The following SDK1 variants were observed in gnomAD, a reference collection of about 807,000 sequenced individuals.
SDK1 encodes protein sidekick-1.
Under a neutral mutation model 245.5 loss-of-function variants are expected in SDK1, and 157 were observed. The ratio of observed to expected loss-of-function variants is 0.64; its 90% CI spans 0.56 to 0.73. The LOEUF is 0.73. Ranked by LOEUF, SDK1 falls within the 30% of genes least tolerant of loss-of-function variation. SDK1 has a pLI of 0.00. For missense variants in SDK1, 3,583 were observed against 3,002.3 expected (o/e 1.19, Z -4.52); for synonymous variants, 1,647 against 1,278.5 (o/e 1.29, Z -6.15).
intron 5 of SDK1, among the ~76,000 whole-genome samples, chr7:3,868,206 G>C (rs1469760005): frequency 1.3e-5 from 2 of 152,138 alleles, no homozygotes; most frequent in Non-Finnish European, 2.9e-5. Flanking sequence ...CACTAGAAGT[G>C]TTATTATTTA....
chr7:4,127,574 C>G (rs1053996108), intron 26 of SDK1, 78 bp downstream of exon 26: 2 of 1,020,182 alleles, frequency 2.0e-6, no homozygotes, highest in South Asian at 2.6e-5. Flanking sequence ...TCCCCCAAAG[C>G]AACGAGCTTC....
At chr7:3,628,046 T>G (rs1185962683) in intron 2 of SDK1, among the ~76,000 whole-genome samples, 1 of 152,172 alleles carries the variant, frequency 6.6e-6, no homozygotes, top group East Asian at 1.9e-4. Flanking sequence ...CAGCTCCGTC[T>G]GCTTGGAAGG....
chr7:3,738,546 T>C (rs1779385120), intron 4 of SDK1, among the ~76,000 whole-genome samples: 1 of 152,230 alleles, frequency 6.6e-6, no homozygotes, highest in Non-Finnish European at 1.5e-5. Flanking sequence ...TTAAATTCCA[T>C]ATGGCTTTTT....
At chr7:3,863,230 T>C (rs1780739346) in intron 5 of SDK1, among the ~76,000 whole-genome samples, 1 of 152,156 alleles carries the variant, frequency 6.6e-6, no homozygotes, top group Non-Finnish European at 1.5e-5. Context: ...GAATGAATAG[T>C]GTTAGCCCTG....
chr7:4,032,665 C>T (rs1056412969), intron 17 of SDK1, among the ~76,000 whole-genome samples: 11 of 152,232 alleles, frequency 7.2e-5, no homozygotes, highest in African/African-American at 2.2e-4. Context: ...AAACCGACTT[C>T]ATATGCACAA....
chr7:4,131,690 C>T (rs1784829811), intron 27 of SDK1, among the ~76,000 whole-genome samples: 2 of 152,216 alleles, frequency 1.3e-5, no homozygotes, highest in Middle Eastern at 3.4e-3. Flanking sequence ...CCCTATTATT[C>T]AGCAGTTCCA....
chr7:4,236,446 C>A (rs1786174709), intron 41 of SDK1, among the ~76,000 whole-genome samples: 1 of 152,136 alleles, frequency 6.6e-6, no homozygotes. Flanking sequence ...AAGACAGGGC[C>A]AGTCGTTCAG....
chr7:4,097,943 A>G (rs13223093), intron 22 of SDK1, among the ~76,000 whole-genome samples: 48,638 of 151,710 alleles, frequency 0.32, 9,368 homozygotes, highest in African/African-American at 0.54. Flanking sequence ...AATTTGCCGA[A>G]ACGGGCCTCA....
chr7:3,772,476 C>T (rs1474021605), intron 4 of SDK1, among the ~76,000 whole-genome samples: 1 of 151,974 alleles, frequency 6.6e-6, no homozygotes, highest in African/African-American at 2.4e-5. Flanking sequence ...AATGCATTAG[C>T]CTTTTAAATA....
At chr7:3,515,969 C>T (rs1782733889) in intron 1 of SDK1, among the ~76,000 whole-genome samples, 1 of 152,084 alleles carries the variant, frequency 6.6e-6, no homozygotes, top group South Asian at 2.1e-4. Context: ...TTAGGGCTTT[C>T]TGCACATGTC....
intron 1 of SDK1, among the ~76,000 whole-genome samples, chr7:3,493,395 A>T (rs1319903262): frequency 6.6e-6 from 1 of 152,198 alleles, no homozygotes; most frequent in African/African-American, 2.4e-5. Context: ...GATTTACTGT[A>T]TTCATCAGAT....
intron 19 of SDK1, among the ~76,000 whole-genome samples, chr7:4,063,597 C>CAAAAAAAAAAA (rs35423286): frequency 1.3e-3 from 157 of 124,962 alleles, no homozygotes; most frequent in African/African-American, 4.3e-3. Context: ...ACAGAAATAG[C>CAAAAAAAAAAA]AAAAAAAAAA....
chr7:3,838,282 C>G (rs1302158371), intron 5 of SDK1, among the ~76,000 whole-genome samples: 2 of 152,216 alleles, frequency 1.3e-5, no homozygotes, highest in African/African-American at 2.4e-5. Context: ...AGATGGTCAT[C>G]TAGATGGGTG....
At chr7:3,689,561 A>G (rs929413907) in intron 4 of SDK1, among the ~76,000 whole-genome samples, 1 of 152,226 alleles carries the variant, frequency 6.6e-6, no homozygotes, top group Non-Finnish European at 1.5e-5. Context: ...AAGGACTTTT[A>G]AAATTATTTG....
At chr7:3,321,741 C>A (rs1338931728) in intron 1 of SDK1, among the ~76,000 whole-genome samples, 3 of 93,038 alleles carry the variant, frequency 3.2e-5, no homozygotes, top group Non-Finnish European at 6.4e-5. Flanking sequence ...CCCATCCCCT[C>A]CCCCCTCCTT....
chr7:3,965,481 G>T (rs969009870), intron 9 of SDK1, among the ~76,000 whole-genome samples: 1 of 152,170 alleles, frequency 6.6e-6, no homozygotes, highest in African/African-American at 2.4e-5. Flanking sequence ...TTTTGTAGTA[G>T]GAGGTTTTTT....
chr7:3,970,126 T>C (rs1248960948), intron 11 of SDK1, among the ~76,000 whole-genome samples: 1 of 152,246 alleles, frequency 6.6e-6, no homozygotes, highest in Non-Finnish European at 1.5e-5. Context: ...TCTCAATCTG[T>C]ACTACTAAAA....
chr7:3,736,298 T>A (rs1165502994), intron 4 of SDK1, among the ~76,000 whole-genome samples: 3 of 152,158 alleles, frequency 2.0e-5, no homozygotes, highest in Admixed American at 2.0e-4. Flanking sequence ...CATTAAGGTT[T>A]TGTTTTGTTT....
intron 5 of SDK1, among the ~76,000 whole-genome samples, chr7:3,837,628 A>G (rs1161132388): frequency 6.6e-6 from 1 of 152,184 alleles, no homozygotes. Flanking sequence ...TGTTGCTTCT[A>G]CATTAGCTGG....
Sources: gnomAD v4.1 joint callset for allele counts (sites outside exome capture counted in the v4.1 genomes callset) on GRCh38, gnomAD v4.1.1 for gene constraint, MANE v1.5 for transcripts, NCBI Gene and HGNC (gene_info 2026-07-23, HGNC 2026-07-21) for gene names.